IQCH: variants seen among roughly 807,000 people sequenced by gnomAD.
The protein encoded by IQCH is IQ motif containing H.
A neutral mutation model predicts 117.0 loss-of-function variants in IQCH; 98 were observed. The observed-to-expected ratio is 0.84, with a 90% CI of 0.71 to 0.99. IQCH has a LOEUF of 0.99. IQCH is among the 50% of genes least tolerant of loss of function. The probability of loss-of-function intolerance (pLI) is 0.00; values close to 1 mark genes in which losing one functional copy is unlikely to be tolerated. For missense variants in IQCH, 1,102 were observed against 1,243.8 expected (o/e 0.89, Z 1.72); for synonymous variants, 412 against 448.2 (o/e 0.92, Z 1.02).
In IQCH at chr15:67,479,880, A is replaced by C. The variant is rs762378842; in HGVS notation, c.2799+4062A>C. Among the ~76,000 whole-genome samples the C allele has an allele frequency of 2.0e-5, 3 of 152,226 alleles. No individual in the cohort carries two copies. The highest frequency in any genetic ancestry group is 4.4e-5 in the Non-Finnish European group (3 of 68,042). ...TTGTCCAAAGTCCCAGGGGGAAAAA[A>C]GGGAAATGAGATCACTCTATGAGTT... On this transcript the variant is annotated intron_variant, in intron 18 of 20. Transcript: ENST00000335894. The surrounding 1 kb of genome is among the most constrained non-coding windows in gnomAD (Gnocchi z 4.6).
intron 3 of IQCH, among the ~76,000 whole-genome samples, chr15:67,279,123 G>C (rs1966245710): frequency 6.6e-6 from 1 of 152,060 alleles, no homozygotes; most frequent in Non-Finnish European, 1.5e-5. Flanking sequence ...CAATAATTCT[G>C]TCAGTTGTTA....
intron 8 of IQCH, among the ~76,000 whole-genome samples, chr15:67,368,064 G>T (rs1970398232): frequency 6.6e-6 from 1 of 152,200 alleles, no homozygotes; most frequent in Admixed American, 6.5e-5. Flanking sequence ...TAGCAACTCT[G>T]CAGGGACCTC....
In IQCH at chr15:67,416,962, T is replaced by A. The variant is rs778078921; in HGVS notation, c.2129T>A (p.Leu710Gln). 1 of 1,607,030 alleles carries A rather than the reference T, an allele frequency of 6.2e-7. No individual in the cohort carries two copies. Among genetic ancestry groups the A allele is most frequent in the East Asian group, 2.3e-5 (1 of 44,410 alleles). Residue 710 changes from leucine (L) to glutamine (Q), a missense_variant, in exon 15 of 21, where the codon CTG (leucine) becomes CAG (glutamine). By Grantham distance (113) the Leu-to-Gln change is moderately radical. Transcript: ENST00000335894. The surrounding 1 kb of genome is among the most constrained non-coding windows in gnomAD (Gnocchi z 5.1). Reference protein sequence around the residue: ...EPALVKISEELAGILAQHAQP... With the variant: ...EPALVKISEEQAGILAQHAQP... ...GCTTTGGTGAAGATCTCTGAGGAGCTGGCGGGCATTTTAGCACAGCACGCA... is the reference window on the plus strand; with the variant it reads ...GCTTTGGTGAAGATCTCTGAGGAGCAGGCGGGCATTTTAGCACAGCACGCA...
chr15:67,423,208 T>C (rs1485941036), intron 16 of IQCH, among the ~76,000 whole-genome samples: 1 of 152,040 alleles, frequency 6.6e-6, no homozygotes, highest in African/African-American at 2.4e-5. Context: ...CCTGGGGAAA[T>C]CTGGATGGCA....
intron 8 of IQCH, among the ~76,000 whole-genome samples, chr15:67,368,039 A>G (rs1040286895): frequency 1.3e-5 from 2 of 152,340 alleles, no homozygotes; most frequent in Non-Finnish European, 2.9e-5. Context: ...TTCTTGACAC[A>G]TACTGTAATC....
intron 17 of IQCH, among the ~76,000 whole-genome samples, chr15:67,470,136 G>T (rs2083033104): frequency 6.6e-6 from 1 of 152,186 alleles, no homozygotes; most frequent in African/African-American, 2.4e-5. Flanking sequence ...GCACTAAATG[G>T]ACCGGATGTT....
chr15:67,306,294 A>C (rs183734010), intron 4 of IQCH, among the ~76,000 whole-genome samples: 144 of 152,268 alleles, frequency 9.5e-4, no homozygotes, highest in Admixed American at 4.6e-3. Context: ...TTTACCACTT[A>C]TAAAAATCAT....
At chr15:67,396,905 A>G (rs1971488339) in intron 13 of IQCH, among the ~76,000 whole-genome samples, 1 of 152,226 alleles carries the variant, frequency 6.6e-6, no homozygotes, top group Admixed American at 6.5e-5. Context: ...ATTCTTGGGC[A>G]ATGTTCATGG....
In IQCH at chr15:67,345,792, C is replaced by G. The variant is rs552140043; in HGVS notation, c.637+1601C>G. 1.4e-4 allele frequency among the ~76,000 whole-genome samples: 22 copies of G among 152,182 alleles called. No homozygotes were observed. In the South Asian group the frequency reaches 3.5e-3, roughly 24 times the overall value. ...CAGTAAGAAGACAAGAGTGTAAAAACTAGTAAAATCTGAATGAAGTCTTGA... is the reference window on the plus strand; with the variant it reads ...CAGTAAGAAGACAAGAGTGTAAAAAGTAGTAAAATCTGAATGAAGTCTTGA... On this transcript the variant is annotated intron_variant, in intron 6 of 20. Coordinates refer to ENST00000335894, the MANE Select transcript of IQCH (RefSeq NM_001031715.3).
chr15:67,265,800 C>G (rs775443855), intron 3 of IQCH, among the ~76,000 whole-genome samples: 2 of 152,204 alleles, frequency 1.3e-5, no homozygotes, highest in African/African-American at 2.4e-5. Context: ...CTGGCATGGA[C>G]TGCTAGGAGA....
intron 1 of IQCH, among the ~76,000 whole-genome samples, chr15:67,256,487 C>T (rs1965211391): frequency 6.6e-6 from 1 of 152,128 alleles, no homozygotes; most frequent in African/African-American, 2.4e-5. Flanking sequence ...CATTATAAAT[C>T]ATGTTGATAG....
chr15:67,255,734 A>C (rs773409701), intron 1 of IQCH, among the ~76,000 whole-genome samples: 3 of 152,164 alleles, frequency 2.0e-5, no homozygotes, highest in Non-Finnish European at 4.4e-5. Flanking sequence ...AGTGGGTCTT[A>C]CTCGTCAAAG....
rs1274711352 is a variant in IQCH, at chr15:67,472,676, G to A, written c.2677-3020G>A. Among the ~76,000 whole-genome samples, 1 of 152,070 alleles carries A rather than the reference G, an allele frequency of 6.6e-6. No homozygotes were observed. The highest frequency in any genetic ancestry group is 1.5e-5 in the Non-Finnish European group (1 of 68,020). On this transcript the variant is annotated intron_variant, in intron 17 of 20. Transcript: ENST00000335894. The surrounding 1 kb of genome is among the most constrained non-coding windows in gnomAD (Gnocchi z 4.3). ...GTTCAAGATCACATACACAGTAAGT[G>A]GCCTTGTCAGGTTCTGAACTTCTTT...
chr15:67,484,175 G>A (rs2083411566), intron 18 of IQCH, among the ~76,000 whole-genome samples: 1 of 152,158 alleles, frequency 6.6e-6, no homozygotes, highest in African/African-American at 2.4e-5. Flanking sequence ...GGAGGCTGAG[G>A]TAGGTAGATT....
chr15:67,476,093 G>A lies in IQCH; in HGVS notation c.2799+275G>A, dbSNP rs1182777370. Among the ~76,000 whole-genome samples, 1 of 152,202 alleles carries A rather than the reference G, an allele frequency of 6.6e-6. No homozygotes were observed. Among genetic ancestry groups the A allele is most frequent in the African/African-American group, 2.4e-5 (1 of 41,436 alleles). On this transcript the variant is annotated intron_variant, in intron 18 of 20. Transcript: ENST00000335894. The surrounding 1 kb of genome is among the most constrained non-coding windows in gnomAD (Gnocchi z 4.1). ...GCTCTCCAGACTTAGGAGGCATTTTGGGGACCACCTCATGATCCTGAAGCA... is the reference window on the plus strand; with the variant it reads ...GCTCTCCAGACTTAGGAGGCATTTTAGGGACCACCTCATGATCCTGAAGCA...
chr15:67,396,873 A>G (rs1028658223), intron 13 of IQCH, among the ~76,000 whole-genome samples: 9 of 152,234 alleles, frequency 5.9e-5, no homozygotes, highest in African/African-American at 2.2e-4. Flanking sequence ...ATTGCCAGCA[A>G]GTATTTCACT....
At chr15:67,409,653 A>C (rs1269868148) in intron 14 of IQCH, among the ~76,000 whole-genome samples, 1 of 152,222 alleles carries the variant, frequency 6.6e-6, no homozygotes, top group Non-Finnish European at 1.5e-5. Flanking sequence ...ATTCTGTTTA[A>C]TGAGAGCCGC....
At chr15:67,271,616 T>C (rs1407625176) in intron 3 of IQCH, among the ~76,000 whole-genome samples, 1 of 152,178 alleles carries the variant, frequency 6.6e-6, no homozygotes, top group Non-Finnish European at 1.5e-5. Flanking sequence ...TTGTTGAGGC[T>C]TTCTATTTCT....
At position 67,487,458 on chromosome 15, in the gene IQCH, A is replaced by AC. The variant is rs397814983; in HGVS notation, c.2800-2545_2800-2544insC. Among the ~76,000 whole-genome samples, 19 of 148,482 alleles carry AC rather than the reference A, an allele frequency of 1.3e-4. No individual in the cohort carries two copies. In the East Asian group the frequency reaches 1.9e-3, roughly 15 times the overall value. ...CACACACACACACACACACACACAC[A>AC]ACCCTCATTAATATAAGTAATATTT... On this transcript the variant is annotated intron_variant, in intron 18 of 20. Transcript: ENST00000335894.
Sources: allele counts gnomAD v4.1 joint callset (sites outside exome capture counted in the v4.1 genomes callset), GRCh38; gene constraint gnomAD v4.1.1; non-coding constraint Gnocchi (gnomAD v3.1); transcripts MANE v1.5; gene names NCBI Gene and HGNC (gene_info 2026-07-23, HGNC 2026-07-21).